TBC1D1: variants seen among roughly 807,000 people sequenced by gnomAD.
TBC1D1 encodes the protein TBC1 (tre-2/USP6, BUB2, cdc16) domain family, member 1.
TBC1D1 carries 89 observed loss-of-function variants against 125.6 expected under a neutral mutation model. That is an observed-to-expected ratio of 0.71 (90% CI 0.60 to 0.85). The LOEUF (loss-of-function observed/expected upper bound fraction) is 0.85. TBC1D1 is among the 40% of genes least tolerant of loss of function. TBC1D1 has a pLI of 0.00. For missense variants in TBC1D1, 1,377 were observed against 1,469.2 expected, an observed-to-expected ratio of 0.94 and a Z score of 1.03; for synonymous variants, 565 against 564.1, an observed-to-expected ratio of 1.00 and a Z score of -0.02.
chr4:38,095,804 A>G, intron 13 of TBC1D1, 125 bp from the exon 16 acceptor site: 1 of 935,500 alleles, frequency 1.1e-6, no homozygotes, highest in African/African-American at 1.6e-5. Flanking sequence ...ACTTATATTT[A>G]GACGCGTTAA....
In TBC1D1 at chr4:37,902,012, T is replaced by C; in HGVS notation, c.-84T>C. On this transcript the variant is annotated 5_prime_UTR_variant, in exon 2 of 20. Coordinates refer to ENST00000261439, the MANE Select transcript of TBC1D1 (RefSeq NM_015173.4). Reference sequence around the variant, plus strand: ...TGGTTTTCTCCCCCAGGTTTCTGCATATGAAGTGTGTAAAATAGATTGCTT... The same window carrying C: ...TGGTTTTCTCCCCCAGGTTTCTGCACATGAAGTGTGTAAAATAGATTGCTT... 12 of 1,384,736 alleles carry C rather than the reference T, an allele frequency of 8.7e-6. No individual in the cohort carries two copies. The highest frequency in any genetic ancestry group is 1.2e-5 in the Non-Finnish European group (12 of 1,018,792). The allele number at this position is 1,384,736 out of a possible 1,614,324, so 85.8% of individuals were successfully genotyped here.
rs1372417178 is a variant in TBC1D1 at position 38,052,049 on chromosome 4, T to C, written c.1911-2150T>C. On this transcript the variant is annotated intron_variant, in intron 11 of 19. Coordinates refer to ENST00000261439, the MANE Select transcript of TBC1D1 (RefSeq NM_015173.4). Reference sequence around the variant, plus strand: ...CCAGTGGAGAACAAAGTGGGAATGCTGTGCCAAAGAGGTGAGCACACTCAC... The same window carrying C: ...CCAGTGGAGAACAAAGTGGGAATGCCGTGCCAAAGAGGTGAGCACACTCAC... 3.2e-6 allele frequency: 5 copies of C among 1,551,034 alleles called. No homozygotes were observed. The East Asian group carries it at 1.2e-4, about 38-fold the overall frequency.
intron 2 of TBC1D1, among the ~76,000 whole-genome samples, chr4:37,959,500 G>A (rs76982843): frequency 0.093 from 14,171 of 152,152 alleles, 834 homozygotes; most frequent in East Asian, 0.16. Context: ...GGTGGCAGCC[G>A]CAGAAGAAAA....
chr4:37,891,536 C>T (rs191329551), intron 1 of TBC1D1, among the ~76,000 whole-genome samples, 188 bp downstream of exon 1: 1,840 of 106,260 alleles, frequency 0.017, 55 homozygotes, highest in African/African-American at 0.061. Context: ...GCCCCCCTTA[C>T]CCCCCCACCC....
chr4:38,084,240 G>A (rs933562546), intron 12 of TBC1D1, among the ~76,000 whole-genome samples: 10 of 152,292 alleles, frequency 6.6e-5, no homozygotes, highest in African/African-American at 1.7e-4. Flanking sequence ...GGCCATGAAT[G>A]TTGTCTTTAA....
intron 2 of TBC1D1, among the ~76,000 whole-genome samples, chr4:38,001,621 T>G (rs1484004055): frequency 3.3e-5 from 5 of 152,222 alleles, no homozygotes; most frequent in Non-Finnish European, 7.3e-5. Flanking sequence ...TCAGGTACAG[T>G]TGATAGGGGC....
chr4:38,003,791 C>T (rs535522097), intron 2 of TBC1D1, among the ~76,000 whole-genome samples: 1 of 151,432 alleles, frequency 6.6e-6, no homozygotes, highest in Non-Finnish European at 1.5e-5. Context: ...TCGCTCAAGC[C>T]TGAGAGGTTG....
chr4:38,029,426 G>A (rs1745713787), intron 7 of TBC1D1, among the ~76,000 whole-genome samples: 1 of 152,160 alleles, frequency 6.6e-6, no homozygotes, highest in South Asian at 2.1e-4. Flanking sequence ...GAAGTGCAAT[G>A]GTGCGATCTT....
intron 3 of TBC1D1, among the ~76,000 whole-genome samples, chr4:38,017,608 A>T (rs188900254): frequency 1.6e-3 from 239 of 152,330 alleles, no homozygotes; most frequent in Non-Finnish European, 2.7e-3. Context: ...TCAAAGCGTA[A>T]AGAGTTTAGA....
At chr4:38,066,846 T>C (rs1560726106) in intron 12 of TBC1D1, among the ~76,000 whole-genome samples, 1 of 152,210 alleles carries the variant, frequency 6.6e-6, no homozygotes, top group Non-Finnish European at 1.5e-5. Flanking sequence ...TCTATATAAA[T>C]GAAAATATTT....
In TBC1D1 at chr4:37,891,953, G is replaced by T. The variant is rs147831104; in HGVS notation, c.-94+605G>T. ...TTTTTTTTCAGAGAGGTATCATTTC[G>T]TTTGAAATCCACCTAGATGTGGCTT... On this transcript the variant is annotated intron_variant, in intron 1 of 19. Coordinates refer to ENST00000261439, the MANE Select transcript of TBC1D1 (RefSeq NM_015173.4). 2.6e-3 allele frequency among the ~76,000 whole-genome samples: 393 copies of T among 151,868 alleles called. 2 individuals are homozygous for T. Among genetic ancestry groups the T allele is most frequent in the Non-Finnish European group, 4.5e-3 (305 of 67,948 alleles).
chr4:38,035,244 G>T (rs933077594), intron 7 of TBC1D1, among the ~76,000 whole-genome samples: 1 of 152,158 alleles, frequency 6.6e-6, no homozygotes, highest in Non-Finnish European at 1.5e-5. Flanking sequence ...TCAATGTTTG[G>T]TCATCATGGC....
chr4:38,081,100 C>T lies in TBC1D1; in HGVS notation c.2051-8832C>T, dbSNP rs527699202. On this transcript the variant is annotated intron_variant, in intron 12 of 19. Coordinates refer to ENST00000261439, the MANE Select transcript of TBC1D1 (RefSeq NM_015173.4). ...GGCCTGCTTGTTTCCTTCCACTCTG[C>T]GTGTTCGTTGCTGGCCCCTCATAGG... Among the ~76,000 whole-genome samples, 260 of 152,266 alleles carry T rather than the reference C, an allele frequency of 1.7e-3. 1 individual carries two copies. Among genetic ancestry groups the T allele is most frequent in the Admixed American group, 3.1e-3 (47 of 15,296 alleles).
intron 2 of TBC1D1, among the ~76,000 whole-genome samples, chr4:37,962,336 A>G (rs1730222134): frequency 6.6e-6 from 1 of 152,208 alleles, no homozygotes; most frequent in Admixed American, 6.5e-5. Context: ...TGTAAGATTC[A>G]TATTTCTGCA....
chr4:37,898,955 A>C (rs925546426), intron 1 of TBC1D1, among the ~76,000 whole-genome samples: 31 of 152,146 alleles, frequency 2.0e-4, no homozygotes, highest in African/African-American at 6.3e-4. Flanking sequence ...GGAGAATATA[A>C]AGTTGGAGAT....
At chr4:37,913,331 G>T (rs1027356154) in intron 2 of TBC1D1, among the ~76,000 whole-genome samples, 3 of 152,122 alleles carry the variant, frequency 2.0e-5, no homozygotes, top group Non-Finnish European at 4.4e-5. Flanking sequence ...GGGCACGGTG[G>T]CTCAGGCCTG....
intron 2 of TBC1D1, chr4:37,961,130 T>G (rs1426418330): frequency 7.3e-7 from 1 of 1,377,168 alleles, no homozygotes; most frequent in African/African-American, 1.4e-5. Flanking sequence ...AAATATAAAG[T>G]GGGTCATATT....
chr4:38,044,179 A>ACT (rs1294270800), intron 8 of TBC1D1, among the ~76,000 whole-genome samples, 183 bp from the exon 9 acceptor site: 1 of 152,160 alleles, frequency 6.6e-6, no homozygotes, highest in Non-Finnish European at 1.5e-5. Context: ...AATCAAAGCA[A>ACT]CTCTCTGAGG....
rs74701116 is a variant in TBC1D1 at position 38,078,107 on chromosome 4, G to A, written c.2051-11825G>A. On this transcript the variant is annotated intron_variant, in intron 12 of 19. Transcript: ENST00000261439. ...GGTGGCCACGTTAATGACATAGAAA[G>A]CAAGTGCTGTGAATTCAAAAGAAAG... is the stretch of plus-strand genomic sequence containing the variant. Among the ~76,000 whole-genome samples, 36 of 152,294 alleles carry A rather than the reference G, an allele frequency of 2.4e-4. No individual in the cohort carries two copies. In the East Asian group the frequency reaches 6.9e-3, roughly 29 times the overall value.
Sources: allele counts gnomAD v4.1 joint callset (sites outside exome capture counted in the v4.1 genomes callset), GRCh38; gene constraint gnomAD v4.1.1; transcripts MANE v1.5; gene names NCBI Gene and HGNC (gene_info 2026-07-23, HGNC 2026-07-21).